Variants in CNKSR3 observed in about 807,000 individuals in gnomAD.
The protein encoded by CNKSR3 is CNKSR family member 3.
In CNKSR3, 36 loss-of-function variants were observed where a neutral mutation model predicts 67.7. The observed-to-expected ratio is 0.53, with a 90% confidence interval of 0.41 to 0.70. CNKSR3 has a LOEUF of 0.70. CNKSR3 is among the 30% of genes least tolerant of loss of function. The probability of loss-of-function intolerance (pLI) is 0.00; values close to 1 mark genes in which losing one functional copy is unlikely to be tolerated. For missense variants in CNKSR3, 630 were observed against 695.2 expected (o/e 0.91, Z 1.05); for synonymous variants, 281 against 271.4 (o/e 1.04, Z -0.35).
intron 2 of CNKSR3, among the ~76,000 whole-genome samples, chr6:154,446,367 T>G (rs145535546): frequency 2.6e-5 from 4 of 152,306 alleles, no homozygotes; most frequent in Admixed American, 1.3e-4. Context: ...AGACACAAAA[T>G]CAAAGCCATC....
At chr6:154,484,848 G>C (rs763457537) in intron 1 of CNKSR3, among the ~76,000 whole-genome samples, 1 of 152,114 alleles carries the variant, frequency 6.6e-6, no homozygotes, top group Non-Finnish European at 1.5e-5. Flanking sequence ...TTCTTTGAGA[G>C]TTTAACCAGC....
intron 10 of CNKSR3, 85 bp downstream of exon 10, chr6:154,414,212 CCT>C (rs1784966216): frequency 2.8e-6 from 4 of 1,406,648 alleles, no homozygotes; most frequent in South Asian, 3.0e-5. Context: ...TCAGCAACTT[CCT>C]CTCTCAAGAT....
rs1784752618 is a variant in CNKSR3, at chr6:154,404,546, A to T, written c.*1808T>A. ...TAGAGGTAGAGAAGAAAACAGCCAG[A>T]CTGAGCCGGGTGTGGTGGCTCATGC... On this transcript the variant is annotated 3_prime_UTR_variant, in exon 13 of 13. Transcript: ENST00000607772. The T allele has an allele frequency of 6.6e-6, 1 of 152,290 alleles. No homozygotes were observed. The highest frequency in any genetic ancestry group is 2.4e-5 in the African/African-American group (1 of 41,438). The allele number at this position is 152,290 out of a possible 1,614,324, so 9.4% of individuals were successfully genotyped here.
intron 1 of CNKSR3, among the ~76,000 whole-genome samples, chr6:154,453,128 G>A (rs1028496257): frequency 6.6e-6 from 1 of 152,164 alleles, no homozygotes; most frequent in Non-Finnish European, 1.5e-5. Flanking sequence ...ATTCACATTC[G>A]TTTTCATGTA....
At chr6:154,470,002 C>A (rs1051036857) in intron 1 of CNKSR3, among the ~76,000 whole-genome samples, 5 of 151,800 alleles carry the variant, frequency 3.3e-5, no homozygotes, top group Admixed American at 2.6e-4. Flanking sequence ...AAAAAATTTT[C>A]CAGTACGTTT....
chr6:154,421,381 A>C (rs1172256365), intron 9 of CNKSR3, among the ~76,000 whole-genome samples: 25 of 152,210 alleles, frequency 1.6e-4, no homozygotes, highest in Non-Finnish European at 1.5e-5. Context: ...TGTCTCACAA[A>C]GTTTCAAAGT....
rs1321366156 is a variant in CNKSR3, at chr6:154,404,944, T to C, written c.*1410A>G. On this transcript the variant is annotated 3_prime_UTR_variant, in exon 13 of 13. Transcript: ENST00000607772. ...CACCAGAAGCATTTTAAAGGGAAGA[T>C]GTTTCCTAACTCCAGTGATTTTCAT... 1 of 152,236 alleles carries C rather than the reference T, an allele frequency of 6.6e-6. No homozygotes were observed. Among genetic ancestry groups the C allele is most frequent in the Non-Finnish European group, 1.5e-5 (1 of 68,042 alleles). The allele number at this position is 152,236 out of a possible 1,614,324, so 9.4% of individuals were successfully genotyped here.
rs192682581 is a variant in CNKSR3, at chr6:154,416,172, T to C, written c.946-1749A>G. On this transcript the variant is annotated intron_variant, in intron 9 of 12. Transcript: ENST00000607772. ...TACCCTTCAACCCTACCCAGCCTGG[T>C]TGTAATGGAAGAGATCTCTGAAGTG... 5.5e-3 allele frequency among the ~76,000 whole-genome samples: 833 copies of C among 152,008 alleles called. 5 individuals carry two copies. The highest frequency in any genetic ancestry group is 9.3e-3 in the Non-Finnish European group (634 of 67,960).
chr6:154,421,368 C>T (rs1388232666), intron 9 of CNKSR3, among the ~76,000 whole-genome samples: 1 of 152,164 alleles, frequency 6.6e-6, no homozygotes, highest in Non-Finnish European at 1.5e-5. Flanking sequence ...GTCTCCAGTA[C>T]CTTGTCTCAC....
rs187782397 is a variant in CNKSR3 at position 154,470,112 on chromosome 6, A to G, written c.53-19854T>C. On this transcript the variant is annotated intron_variant, in intron 1 of 12. Transcript: ENST00000607772. ...TGAGAACATTTCCATCACCCCAAAA[A>G]GAAACCCTACCCACGAGCCATCATT... Among the ~76,000 whole-genome samples, 361 of 151,422 alleles carry G rather than the reference A, an allele frequency of 2.4e-3. 4 individuals are homozygous for G. In the South Asian group the frequency reaches 0.034, roughly 14 times the overall value.
At position 154,458,852 on chromosome 6, in the gene CNKSR3, A is replaced by C. The variant is rs74848723; in HGVS notation, c.53-8594T>G. ...AGGTTTGTGGTTAAATTTAATTTGA[A>C]GAACGGGGACCATGATGAAACATAA... On this transcript the variant is annotated intron_variant, in intron 1 of 12. Coordinates refer to ENST00000607772, the MANE Select transcript of CNKSR3 (RefSeq NM_173515.4). 9.9e-5 allele frequency among the ~76,000 whole-genome samples: 15 copies of C among 152,282 alleles called. No individual in the cohort carries two copies. The East Asian group carries it at 2.9e-3, about 29-fold the overall frequency.
chr6:154,461,180 T>C (rs1402631765), intron 1 of CNKSR3, among the ~76,000 whole-genome samples: 1 of 152,002 alleles, frequency 6.6e-6, no homozygotes, highest in Non-Finnish European at 1.5e-5. Flanking sequence ...TCATCTCCAG[T>C]TTATTGGTAA....
chr6:154,449,946 T>TC (rs397831719), intron 2 of CNKSR3, 149 bp downstream of exon 2: 2 of 747,382 alleles, frequency 2.7e-6, no homozygotes, highest in East Asian at 5.8e-5. Context: ...AACTTATTTT[T>TC]CCCCTTCCTA....
chr6:154,443,512 C>T lies in CNKSR3; in HGVS notation c.217-1222G>A, dbSNP rs150636726. Among the ~76,000 whole-genome samples, 439 of 151,860 alleles carry T rather than the reference C, an allele frequency of 2.9e-3. 2 individuals are homozygous for T. The highest frequency in any genetic ancestry group is 4.9e-3 in the Non-Finnish European group (330 of 67,962). On this transcript the variant is annotated intron_variant, in intron 2 of 12. Coordinates refer to ENST00000607772, the MANE Select transcript of CNKSR3 (RefSeq NM_173515.4). Reference sequence around the variant, plus strand: ...CCCACTTCTGCCCCATCTGAAGCACCGTGTTTGTGGCCTTCTTCCTCCACT... The same window carrying T: ...CCCACTTCTGCCCCATCTGAAGCACTGTGTTTGTGGCCTTCTTCCTCCACT...
At chr6:154,430,134 G>A (rs1785334726) in intron 6 of CNKSR3, among the ~76,000 whole-genome samples, 1 of 152,158 alleles carries the variant, frequency 6.6e-6, no homozygotes, top group African/African-American at 2.4e-5. Flanking sequence ...CATCCTAAGT[G>A]CTAATACTTT....
chr6:154,418,859 T>C (rs1457862083), intron 9 of CNKSR3, among the ~76,000 whole-genome samples: 1 of 151,296 alleles, frequency 6.6e-6, no homozygotes, highest in Non-Finnish European at 1.5e-5. Context: ...AGGAAATAAT[T>C]GACAAGGCAG....
chr6:154,483,501 C>T (rs1471137694), intron 1 of CNKSR3, among the ~76,000 whole-genome samples: 1 of 152,064 alleles, frequency 6.6e-6, no homozygotes, highest in East Asian at 1.9e-4. Context: ...TACCCTCACC[C>T]CTCATCTGGC....
intron 1 of CNKSR3, among the ~76,000 whole-genome samples, chr6:154,499,266 A>T (rs1043625475): frequency 1.3e-5 from 2 of 152,188 alleles, no homozygotes; most frequent in Non-Finnish European, 2.9e-5. Context: ...TTAGCAAAAA[A>T]CTGTGGACAG....
At chr6:154,433,531 G>A (rs761946759) in intron 4 of CNKSR3, 24 bp from the exon 5 acceptor site, 1 of 1,558,048 alleles carries the variant, frequency 6.4e-7, no homozygotes, top group South Asian at 1.1e-5. Flanking sequence ...TGGAGAAAAT[G>A]AATACTAAGT....
Sources: allele counts gnomAD v4.1 joint callset (sites outside exome capture counted in the v4.1 genomes callset), GRCh38; gene constraint gnomAD v4.1.1; transcripts MANE v1.5; gene names NCBI Gene and HGNC (gene_info 2026-07-23, HGNC 2026-07-21).